Variants in TENM3 observed in about 807,000 individuals in gnomAD.
TENM3 encodes the protein teneurin transmembrane protein 3, also known as teneurin-3.
TENM3 carries 63 observed loss-of-function variants against 255.1 expected under a neutral mutation model. That is an observed-to-expected ratio of 0.25 (90% CI 0.20 to 0.30). The LOEUF (loss-of-function observed/expected upper bound fraction) is 0.30, where lower values mean the gene tolerates loss of function less well. TENM3 is among the 10% of genes least tolerant of loss of function. The pLI, the probability that TENM3 is intolerant of heterozygous loss-of-function variation, is 1.00. For missense variants in TENM3, 2,929 were observed against 3,461.1 expected, an observed-to-expected ratio of 0.85 and a Z score of 3.86; for synonymous variants, 1,306 against 1,322.3, an observed-to-expected ratio of 0.99 and a Z score of 0.27.
chr4:182,274,914 C>A (rs1444572550), intron 1 of TENM3, among the ~76,000 whole-genome samples: 1 of 152,048 alleles, frequency 6.6e-6, no homozygotes, highest in Non-Finnish European at 1.5e-5. Flanking sequence ...ACCTCTGCCT[C>A]CCGGGTTCAA....
chr4:182,146,583 A>G (rs1044638789), intron 1 of TENM3, among the ~76,000 whole-genome samples: 2 of 152,008 alleles, frequency 1.3e-5, no homozygotes, highest in Non-Finnish European at 2.9e-5. Context: ...ATTTTTTTCT[A>G]ATAGTAAACA....
At chr4:182,019,678 T>A in the TENM3 span, among the ~76,000 whole-genome samples, 1 of 152,244 alleles carries the variant, frequency 6.6e-6, no homozygotes, top group South Asian at 2.1e-4. Flanking sequence ...CTTGGGTTGT[T>A]GTTGTTGTTC....
rs947793833 is a variant in TENM3, at chr4:182,515,067, A to G, written c.512-85857A>G. The stretch of plus-strand genomic sequence containing the variant: ...TGCACAATAATTTTTTATCCAGACT[A>G]AGAAGACAATTTATCATTTAAGCCG... On this transcript the variant is annotated intron_variant, in intron 3 of 27. Coordinates refer to ENST00000511685, the MANE Select transcript of TENM3 (RefSeq NM_001080477.4). 2.6e-5 allele frequency among the ~76,000 whole-genome samples: 4 copies of G among 152,328 alleles called. No individual in the cohort carries two copies. In the South Asian group the frequency reaches 8.3e-4, roughly 32 times the overall value.
the TENM3 span, among the ~76,000 whole-genome samples, chr4:181,950,238 G>A: frequency 1.3e-4 from 20 of 152,016 alleles, no homozygotes; most frequent in South Asian, 3.5e-3. Flanking sequence ...CTGCCCACCA[G>A]AGAACTCCCC....
chr4:181,952,874 AG>A, the TENM3 span, among the ~76,000 whole-genome samples: 5 of 152,370 alleles, frequency 3.3e-5, no homozygotes, highest in South Asian at 8.3e-4. Flanking sequence ...TAATTAGGAA[AG>A]GGACCTCATC....
chr4:182,608,357 C>G (rs1748633842), intron 4 of TENM3, among the ~76,000 whole-genome samples: 1 of 152,206 alleles, frequency 6.6e-6, no homozygotes, highest in Admixed American at 6.5e-5. Context: ...ATCTCTGGTT[C>G]AAGCAATCCT....
intron 2 of TENM3, among the ~76,000 whole-genome samples, chr4:182,327,922 C>G (rs889940569): frequency 2.6e-5 from 4 of 152,206 alleles, no homozygotes; most frequent in African/African-American, 7.2e-5. Flanking sequence ...TGCTGCAGCT[C>G]TGTGGGCTAT....
At chr4:181,729,792 C>T in the TENM3 span, among the ~76,000 whole-genome samples, 1 of 152,168 alleles carries the variant, frequency 6.6e-6, no homozygotes, top group East Asian at 1.9e-4. Flanking sequence ...CTGCTATGTA[C>T]ATTTTCCAGC....
chr4:181,818,800 A>T, the TENM3 span, among the ~76,000 whole-genome samples: 1 of 151,930 alleles, frequency 6.6e-6, no homozygotes, highest in African/African-American at 2.4e-5. Context: ...ATGGAGTTTC[A>T]CCACTTTGGC....
the TENM3 span, among the ~76,000 whole-genome samples, chr4:181,972,534 C>T: frequency 6.6e-6 from 1 of 151,850 alleles, no homozygotes; most frequent in African/African-American, 2.4e-5. Context: ...TTGTGTTCCC[C>T]AGAAAGATCC....
chr4:181,665,165 C>T, the TENM3 span, among the ~76,000 whole-genome samples: 2 of 152,086 alleles, frequency 1.3e-5, no homozygotes, highest in Non-Finnish European at 2.9e-5. Flanking sequence ...AGGGTGCATA[C>T]CCTACGCACT....
chr4:181,637,605 A>C, the TENM3 span, among the ~76,000 whole-genome samples: 3 of 152,186 alleles, frequency 2.0e-5, no homozygotes, highest in South Asian at 6.2e-4. Flanking sequence ...AACACTGACA[A>C]GGCTCCACCC....
chr4:181,631,594 C>T, the TENM3 span, among the ~76,000 whole-genome samples: 3 of 152,108 alleles, frequency 2.0e-5, no homozygotes, highest in Admixed American at 2.0e-4. Context: ...CCAGCCCTGG[C>T]CCAGTTCTTT....
At chr4:182,133,635 T>G in the TENM3 span, among the ~76,000 whole-genome samples, 3 of 152,190 alleles carry the variant, frequency 2.0e-5, no homozygotes, top group Non-Finnish European at 2.9e-5. Flanking sequence ...TAACATTTAT[T>G]TTACGACTCT....
chr4:181,524,554 T>G, the TENM3 span, among the ~76,000 whole-genome samples: 1 of 152,198 alleles, frequency 6.6e-6, no homozygotes, highest in South Asian at 2.1e-4. Context: ...CCAGAAGTTA[T>G]TCTTATCTGT....
At chr4:182,757,350 A>ATGGTGGCGGCAT (rs1241155304) in intron 22 of TENM3, among the ~76,000 whole-genome samples, 3 of 143,670 alleles carry the variant, frequency 2.1e-5, no homozygotes, top group African/African-American at 5.1e-5. Context: ...TCTTCAGGAG[A>ATGGTGGCGGCAT]TGGTGGCGGC....
intron 3 of TENM3, among the ~76,000 whole-genome samples, chr4:182,411,582 T>C (rs1348121585): frequency 6.6e-6 from 1 of 152,146 alleles, no homozygotes; most frequent in Non-Finnish European, 1.5e-5. Flanking sequence ...GGCCCAAGAA[T>C]ATGCATTTTA....
At chr4:182,546,579 G>T (rs1237706509) in intron 3 of TENM3, among the ~76,000 whole-genome samples, 1 of 152,058 alleles carries the variant, frequency 6.6e-6, no homozygotes. Flanking sequence ...GGGAGTACAG[G>T]CATGAGCCAC....
the TENM3 span, among the ~76,000 whole-genome samples, chr4:181,828,793 T>C: frequency 1.3e-5 from 2 of 152,174 alleles, no homozygotes; most frequent in Admixed American, 1.3e-4. Context: ...TTTCACCATG[T>C]TGGCCAGGCT....
Sources: allele counts gnomAD v4.1 joint callset (sites outside exome capture counted in the v4.1 genomes callset), GRCh38; gene constraint gnomAD v4.1.1; transcripts MANE v1.5; gene names NCBI Gene and HGNC (gene_info 2026-07-23, HGNC 2026-07-21).